FHDC1: variants seen among roughly 807,000 people sequenced by gnomAD.
FHDC1 encodes FH2 domain-containing protein 1.
In FHDC1, 25 loss-of-function variants were observed where a neutral mutation model predicts 52.6. The ratio of observed to expected loss-of-function variants is 0.48; its 90% CI spans 0.35 to 0.66. The LOEUF (loss-of-function observed/expected upper bound fraction) is 0.66. Among genes scored for constraint, FHDC1 ranks in the 30% least tolerant of loss-of-function variants. FHDC1 has a pLI of 0.01. For missense variants in FHDC1, 1,459 were observed against 1,452.8 expected, an observed-to-expected ratio of 1.00 and a Z score of -0.07; for synonymous variants, 616 against 581.5, an observed-to-expected ratio of 1.06 and a Z score of -0.85.
intron 2 of FHDC1, among the ~76,000 whole-genome samples, chr4:152,947,810 AAGAGAGAGAGAG>A (rs3076048): frequency 1.3e-5 from 2 of 150,130 alleles, no homozygotes; most frequent in African/African-American, 4.9e-5. Flanking sequence ...AAGACCACAG[AAGAGAGAGAGAG>A]AGAGAGAGAG....
At position 152,952,305 on chromosome 4, in the gene FHDC1, T is replaced by C. The variant is rs1739950054; in HGVS notation, c.499-1194T>C. ...ATCTGCCTTATCTTCAGAGTTGTTT[T>C]TTATTTTCTCAGTTCAAATCTCACG... On this transcript the variant is annotated intron_variant, in intron 2 of 11. Transcript: ENST00000511601. Among the ~76,000 whole-genome samples, 4 of 152,304 alleles carry C rather than the reference T, an allele frequency of 2.6e-5. No homozygotes were observed. In the South Asian group the frequency reaches 8.3e-4, roughly 32 times the overall value.
In FHDC1 at chr4:152,943,148, C is replaced by A; in HGVS notation, c.91C>A (p.Pro31Thr). ...APGFMIGQTPPPAPPPPPPPP... is the reference protein window; with the variant it reads ...APGFMIGQTPTPAPPPPPPPP... ...TGGATTCATGATTGGGCAGACACCTCCTCCAGCACCTCCTCCACCTCCTCC... is the reference window on the plus strand; with the variant it reads ...TGGATTCATGATTGGGCAGACACCTACTCCAGCACCTCCTCCACCTCCTCC... Residue 31 changes from proline (P) to threonine (T), a missense_variant, in exon 2 of 12, where the codon CCT becomes ACT. Physicochemically the swap from Pro to Thr is conservative, Grantham distance 38 (BLOSUM62 -1). This residue lies in a region of FHDC1 where 513 missense variants were observed against 581.5 expected (regional missense o/e 0.88). Transcript: ENST00000511601. The A allele has an allele frequency of 6.2e-7, 1 of 1,613,996 alleles. No homozygotes were observed. The highest frequency in any genetic ancestry group is 8.5e-7 in the Non-Finnish European group (1 of 1,179,984).
At chr4:152,942,800 GGA>G in intron 1 of FHDC1, 126 bp from the exon 2 acceptor site, 3 of 419,666 alleles carry the variant, frequency 7.1e-6, no homozygotes, top group Admixed American at 7.9e-5. Flanking sequence ...ATGCAACTTG[GGA>G]TGTGTTGCCC....
At chr4:152,928,737 T>C in the FHDC1 span, among the ~76,000 whole-genome samples, 1 of 152,090 alleles carries the variant, frequency 6.6e-6, no homozygotes, top group Non-Finnish European at 1.5e-5. Context: ...TCCTTGATGT[T>C]GTGTGACTAA....
rs1244446423 is a variant in FHDC1 at position 152,975,071 on chromosome 4, C to T, written c.1780C>T (p.Gln594Ter). The change falls in exon 12 of 12, where the codon CAG becomes TAG. Residue 594 changes from glutamine (Q) to a stop codon, truncating the protein, a stop_gained. Transcript: ENST00000511601. LOFTEE classifies it low-confidence loss of function (END_TRUNC). ...CCTGGAGCCTGCAGAAGTGAGGCACCAGGACTCCAGCTTTGCACACAAACC... is the reference window on the plus strand; with the variant it reads ...CCTGGAGCCTGCAGAAGTGAGGCACTAGGACTCCAGCTTTGCACACAAACC... ...ACLEPAEVRHQDSSFAHKPQA... is the reference protein window; with the variant it reads ...ACLEPAEVRH The T allele has an allele frequency of 1.8e-5, 29 of 1,612,446 alleles. No individual in the cohort carries two copies. The highest frequency in any genetic ancestry group is 2.4e-5 in the Non-Finnish European group (28 of 1,179,696).
chr4:152,940,272 G>A (rs979214293), intron 1 of FHDC1, among the ~76,000 whole-genome samples: 9 of 152,176 alleles, frequency 5.9e-5, no homozygotes, highest in African/African-American at 1.7e-4. Flanking sequence ...GCCGTTGGGG[G>A]GCTAGGATCC....
At chr4:152,928,306 G>A in the FHDC1 span, 295 of 546,256 alleles carry the variant, frequency 5.4e-4, 2 homozygotes, top group East Asian at 2.6e-3. Flanking sequence ...AAACTCCTTT[G>A]CCTGCATCCT....
rs1194495245 is a variant in FHDC1, at chr4:152,962,848, A to G, written c.885A>G (p.Leu295=). The G allele has an allele frequency of 6.2e-7, 1 of 1,614,042 alleles. No homozygotes were observed. The change falls in exon 7 of 12, where the codon TTA becomes TTG. Residue 295 remains leucine (L), a synonymous_variant. Transcript: ENST00000511601. ...CATGTGAAGAGCTACATTCAATATT[A>G]CACTTGGTGCTCCAGGCTGGGAATA... ...LMSCEELHSI[L]HLVLQAGNIM... is the part of the protein sequence containing the mutation.
At chr4:152,915,149 T>C in the FHDC1 span, among the ~76,000 whole-genome samples, 2 of 152,214 alleles carry the variant, frequency 1.3e-5, no homozygotes, top group African/African-American at 4.8e-5. Context: ...GAATATATAC[T>C]TATTATGACT....
chr4:152,972,644 CGGTTT>C, intron 11 of FHDC1, 103 bp downstream of exon 11: 1 of 1,337,076 alleles, frequency 7.5e-7, no homozygotes, highest in Non-Finnish European at 1.0e-6. Flanking sequence ...TGCATCTCCA[CGGTTT>C]CGGGGACATC....
intron 7 of FHDC1, 41 bp downstream of exon 7, chr4:152,962,925 C>A: frequency 6.4e-7 from 1 of 1,568,812 alleles, no homozygotes; most frequent in Non-Finnish European, 8.7e-7. Context: ...ATGTTTTCAA[C>A]CTTGTCTATC....
chr4:152,948,433 G>T (rs574904983), intron 2 of FHDC1, among the ~76,000 whole-genome samples: 2 of 152,198 alleles, frequency 1.3e-5, no homozygotes, highest in Admixed American at 1.3e-4. Flanking sequence ...AATGAGAGAG[G>T]GGAATGGAGA....
the FHDC1 span, among the ~76,000 whole-genome samples, chr4:152,919,711 G>T: frequency 2.6e-5 from 4 of 152,140 alleles, no homozygotes; most frequent in Admixed American, 1.3e-4. Flanking sequence ...TTGTTGGCTA[G>T]AACATTTAGC....
In FHDC1 at chr4:152,949,115, T is replaced by TAAGAAG. The variant is rs1458622582; in HGVS notation, c.499-4382_499-4381insGAAGAA. Among the ~76,000 whole-genome samples the TAAGAAG allele has an allele frequency of 7.0e-3, 538 of 77,030 alleles. 3 individuals carry two copies. Among genetic ancestry groups the TAAGAAG allele is most frequent in the Non-Finnish European group, 8.7e-3 (344 of 39,524 alleles). The allele number at this position is 77,030 out of a possible 152,430, so 50.5% of individuals were successfully genotyped here. ...GTAATAATAATAATAATAATAATAA[T>TAAGAAG]AATAATAATAAGAAGAAGAAGAAGA... is the stretch of plus-strand genomic sequence containing the variant. On this transcript the variant is annotated intron_variant, in intron 2 of 11. Transcript: ENST00000511601.
intron 4 of FHDC1, among the ~76,000 whole-genome samples, chr4:152,957,096 C>T (rs1220012711): frequency 2.0e-5 from 3 of 151,998 alleles, no homozygotes; most frequent in Non-Finnish European, 4.4e-5. Context: ...GCGGAAGAGG[C>T]CAAGGAGGAG....
At chr4:152,923,017 G>T in the FHDC1 span, among the ~76,000 whole-genome samples, 5 of 152,076 alleles carry the variant, frequency 3.3e-5, no homozygotes, top group Non-Finnish European at 5.9e-5. Context: ...GGGCAATTAG[G>T]CAGGAGAAGG....
At chr4:152,914,927 A>G in the FHDC1 span, among the ~76,000 whole-genome samples, 2 of 152,008 alleles carry the variant, frequency 1.3e-5, no homozygotes, top group Non-Finnish European at 2.9e-5. Context: ...AGCATTATAG[A>G]GTAGTGAGAG....
chr4:152,930,998 C>CACACACACACTCTT, the FHDC1 span, among the ~76,000 whole-genome samples: 49 of 90,994 alleles, frequency 5.4e-4, 1 homozygote, highest in South Asian at 0.016. Context: ...CACACACACA[C>CACACACACACTCTT]TCTCTCTCTC....
rs768248508 is a variant in FHDC1, at chr4:152,976,485, C to T, written c.3194C>T (p.Ser1065Leu). Residue 1065 changes from serine (S) to leucine (L), a missense_variant, in exon 12 of 12, where the codon TCG becomes TTG. By Grantham distance (145) the Ser-to-Leu change is moderately radical. Coordinates refer to ENST00000511601, the MANE Select transcript of FHDC1 (RefSeq NM_001371116.1). ...GCCCCCGGCATCACTCGGACAGTGT[C>T]GCAGCGGCAGCTGAGGGTGAAAGGG... ...AKAPGITRTV[S>L]QRQLRVKGDP... The T allele has an allele frequency of 1.2e-6, 2 of 1,613,438 alleles. No homozygotes were observed. The highest frequency in any genetic ancestry group is 2.2e-5 in the East Asian group (1 of 44,870).
Sources: gnomAD v4.1 joint callset for allele counts (sites outside exome capture counted in the v4.1 genomes callset) on GRCh38, gnomAD v4.1.1 for gene constraint, gnomAD v4.1.1 regional missense constraint, MANE v1.5 for transcripts, NCBI Gene and HGNC (gene_info 2026-07-23, HGNC 2026-07-21) for gene names.